TOM1L1: variants seen among roughly 807,000 people sequenced by gnomAD.
The protein encoded by TOM1L1 is TOM1-like protein 1.
A neutral mutation model predicts 63.4 loss-of-function variants in TOM1L1; 64 were observed. That is an observed-to-expected ratio of 1.01 (90% CI 0.83 to 1.24). The LOEUF (loss-of-function observed/expected upper bound fraction) is 1.24, where lower values mean the gene tolerates loss of function less well. TOM1L1 is among the 50% of genes most tolerant of loss of function. The probability of loss-of-function intolerance (pLI) is 0.00; values close to 1 mark genes in which losing one functional copy is unlikely to be tolerated. For synonymous variants in TOM1L1, 166 were observed against 194.4 expected (o/e 0.85, Z 1.22); for missense variants, 536 against 567.0 (o/e 0.95, Z 0.55).
At chr17:54,930,237 C>G in intron 8 of TOM1L1, 31 bp downstream of exon 8, 1 of 1,612,448 alleles carries the variant, frequency 6.2e-7, no homozygotes, top group Admixed American at 1.7e-5. Context: ...CTTTACCCCT[C>G]TTCCATTTCT....
chr17:54,906,280 C>G (rs2048408129), intron 3 of TOM1L1, among the ~76,000 whole-genome samples: 1 of 152,034 alleles, frequency 6.6e-6, no homozygotes, highest in African/African-American at 2.4e-5. Flanking sequence ...ACCAGCCTGA[C>G]CAATATGGTG....
chr17:54,946,094 G>C (rs1215640605), intron 11 of TOM1L1, among the ~76,000 whole-genome samples: 3 of 152,150 alleles, frequency 2.0e-5, no homozygotes, highest in Admixed American at 1.3e-4. Flanking sequence ...TCCAATGTCA[G>C]CTACATTTTC....
intron 3 of TOM1L1, among the ~76,000 whole-genome samples, chr17:54,906,234 C>T (rs1013691851): frequency 6.6e-6 from 1 of 152,112 alleles, no homozygotes; most frequent in Admixed American, 6.5e-5. Context: ...TTCGGGAGGC[C>T]GAGGCAGGTG....
intron 3 of TOM1L1, among the ~76,000 whole-genome samples, chr17:54,909,961 T>C (rs71385371): frequency 0.021 from 3,196 of 152,330 alleles, 67 homozygotes; most frequent in East Asian, 0.12. Context: ...TGAAAGAGGT[T>C]CTGGTGACAT....
chr17:54,918,478 G>A (rs540436517), intron 7 of TOM1L1, among the ~76,000 whole-genome samples: 1 of 152,168 alleles, frequency 6.6e-6, no homozygotes, highest in Non-Finnish European at 1.5e-5. Context: ...CAACGTGGGA[G>A]TATAAAATTC....
intron 8 of TOM1L1, among the ~76,000 whole-genome samples, chr17:54,933,819 C>G (rs1462994920): frequency 2.0e-5 from 3 of 152,190 alleles, no homozygotes; most frequent in Non-Finnish European, 2.9e-5. Flanking sequence ...CCACACCTGG[C>G]CATCCACAGC....
intron 2 of TOM1L1, among the ~76,000 whole-genome samples, chr17:54,904,596 A>G (rs1031422681): frequency 1.3e-5 from 2 of 152,022 alleles, no homozygotes; most frequent in South Asian, 4.2e-4. Context: ...CTGAATGTCA[A>G]CTCACCCATG....
In TOM1L1 at chr17:54,915,863, G is replaced by A; in HGVS notation, c.720+1G>A. On this transcript the variant is annotated splice_donor_variant, in intron 7 of 15. Transcript: ENST00000575882. LOFTEE classifies it high-confidence loss of function. ...CCATGAAGACATAGAGCTTCTGCAG[G>A]TGTTGTACGATTTCAGGGACTATCA... The A allele has an allele frequency of 1.9e-6, 3 of 1,609,268 alleles. No homozygotes were observed. Among genetic ancestry groups the A allele is most frequent in the South Asian group, 1.1e-5 (1 of 90,934 alleles).
chr17:54,936,812 C>T, intron 9 of TOM1L1, 103 bp downstream of exon 9: 1 of 1,006,832 alleles, frequency 9.9e-7, no homozygotes, highest in Non-Finnish European at 1.5e-6. Context: ...GGAAGATATG[C>T]ATTCATAATT....
At chr17:54,927,866 G>A (rs2048793754) in intron 7 of TOM1L1, among the ~76,000 whole-genome samples, 1 of 152,208 alleles carries the variant, frequency 6.6e-6, no homozygotes, top group Non-Finnish European at 1.5e-5. Flanking sequence ...CTGTTGAGAT[G>A]TGCTACTCCT....
intron 3 of TOM1L1, among the ~76,000 whole-genome samples, chr17:54,905,980 G>A (rs1418666285): frequency 1.3e-5 from 2 of 151,596 alleles, no homozygotes; most frequent in Non-Finnish European, 2.9e-5. Context: ...GAACAGCCTG[G>A]GCAAGATGGT....
intron 7 of TOM1L1, among the ~76,000 whole-genome samples, chr17:54,919,181 C>CCACA (rs2048640322): frequency 6.6e-6 from 1 of 152,078 alleles, no homozygotes; most frequent in African/African-American, 2.4e-5. Context: ...AGGTAGTAGT[C>CCACA]CACAATGGCG....
Position 54,947,259 on chromosome 17 carries a change from A to G in TOM1L1, c.1131-2A>G. ...TCATTCTGTGTTATCACACTATCCT[A>G]GGTTTGCCCAAAGGACCAGCCAAAA... On this transcript the variant is annotated splice_acceptor_variant, in intron 11 of 15. Transcript: ENST00000575882. LOFTEE classifies it high-confidence loss of function. 6.2e-7 allele frequency: 1 copy of G among 1,613,982 alleles called. No homozygotes were observed. Among genetic ancestry groups the G allele is most frequent in the East Asian group, 2.2e-5 (1 of 44,884 alleles).
chr17:54,956,810 A>G (rs1457821454), intron 14 of TOM1L1: 1 of 152,084 alleles, frequency 6.6e-6, no homozygotes, highest in Non-Finnish European at 1.5e-5. Flanking sequence ...CATAGTCTCC[A>G]AAGCAGGAAA....
intron 11 of TOM1L1, among the ~76,000 whole-genome samples, chr17:54,944,583 C>A (rs192455077): frequency 3.8e-4 from 58 of 152,210 alleles, no homozygotes; most frequent in Admixed American, 3.1e-3. Context: ...TCTTTTAAAG[C>A]AGGTCTATTG....
intron 14 of TOM1L1, chr17:54,954,649 G>A (rs78113242): frequency 0.022 from 3,314 of 152,278 alleles, 86 homozygotes; most frequent in Non-Finnish European, 0.022. Context: ...AGAGTTAGAG[G>A]GCCTCACTTC....
intron 7 of TOM1L1, among the ~76,000 whole-genome samples, chr17:54,928,127 A>G (rs1053312124): frequency 1.3e-5 from 2 of 152,220 alleles, no homozygotes; most frequent in Middle Eastern, 6.3e-3. Context: ...CGGGGGTTAT[A>G]TTAAATGCCA....
At chr17:54,934,636 G>A (rs1279545423) in intron 8 of TOM1L1, among the ~76,000 whole-genome samples, 1 of 152,058 alleles carries the variant, frequency 6.6e-6, no homozygotes. Context: ...TGTCACTCAG[G>A]GCTTGATCTA....
intron 14 of TOM1L1, chr17:54,954,462 A>G (rs1186063282): frequency 6.6e-6 from 1 of 152,240 alleles, no homozygotes; most frequent in Admixed American, 6.5e-5. Context: ...TCCCTGGCAA[A>G]GAAGAGTGCA....
Sources: gnomAD v4.1 joint callset for allele counts (sites outside exome capture counted in the v4.1 genomes callset) on GRCh38, gnomAD v4.1.1 for gene constraint, MANE v1.5 for transcripts, NCBI Gene and HGNC (gene_info 2026-07-23, HGNC 2026-07-21) for gene names.